Variants in VPS13B observed in about 807,000 individuals in gnomAD.
The protein encoded by VPS13B is intermembrane lipid transfer protein VPS13B.
A neutral mutation model predicts 426.4 loss-of-function variants in VPS13B; 285 were observed. The ratio of observed to expected loss-of-function variants is 0.67; its 90% CI spans 0.61 to 0.74. The LOEUF (loss-of-function observed/expected upper bound fraction) is 0.74, where lower values mean the gene tolerates loss of function less well. VPS13B is among the 30% of genes least tolerant of loss of function. The pLI, the probability that VPS13B is intolerant of heterozygous loss-of-function variation, is 0.00. For missense variants in VPS13B, 4,537 were observed against 4,782.6 expected, an observed-to-expected ratio of 0.95 and a Z score of 1.51; for synonymous variants, 1,676 against 1,676.4, an observed-to-expected ratio of 1.00 and a Z score of 0.01.
At chr8:99,523,308 G>A (rs75133320) in intron 30 of VPS13B, among the ~76,000 whole-genome samples, 1,798 of 152,328 alleles carry the variant, frequency 0.012, 15 homozygotes, top group Non-Finnish European at 0.019. Flanking sequence ...TGAAGGGAAG[G>A]ACACAAGCCT....
chr8:99,092,214 T>G (rs576216430), intron 3 of VPS13B: 1 of 152,304 alleles, frequency 6.6e-6, no homozygotes, highest in Admixed American at 6.5e-5. Context: ...TAGGAACTTT[T>G]GTAAGGAAAT....
chr8:99,654,235 A>G (rs1314782272), intron 34 of VPS13B, among the ~76,000 whole-genome samples: 1 of 150,910 alleles, frequency 6.6e-6, no homozygotes, highest in African/African-American at 2.4e-5. Flanking sequence ...TTTTTAGTAG[A>G]GACGGGGTTT....
intron 50 of VPS13B, among the ~76,000 whole-genome samples, chr8:99,822,719 A>T (rs1814446115): frequency 6.6e-6 from 1 of 152,204 alleles, no homozygotes; most frequent in Admixed American, 6.5e-5. Context: ...TTATACTCTT[A>T]AAAATTATTG....
intron 24 of VPS13B, among the ~76,000 whole-genome samples, chr8:99,475,647 T>G (rs1006445460): frequency 3.3e-5 from 5 of 152,320 alleles, no homozygotes; most frequent in Admixed American, 6.5e-5. Flanking sequence ...AAGCTCAGAT[T>G]TTGTTGTTGT....
intron 17 of VPS13B, among the ~76,000 whole-genome samples, chr8:99,237,538 A>C (rs1471296495): frequency 6.6e-6 from 1 of 152,194 alleles, no homozygotes; most frequent in Non-Finnish European, 1.5e-5. Flanking sequence ...TCAGTGAAAA[A>C]AAGAAATGAA....
chr8:99,764,519 T>G (rs554453592), intron 39 of VPS13B, among the ~76,000 whole-genome samples: 1 of 148,300 alleles, frequency 6.7e-6, no homozygotes, highest in African/African-American at 2.5e-5. Context: ...GTTTAAGCAA[T>G]TCTCCTGTCT....
chr8:99,391,415 A>C, intron 20 of VPS13B, 142 bp from the exon 21 acceptor site: 9 of 1,287,106 alleles, frequency 7.0e-6, no homozygotes, highest in African/African-American at 1.5e-5. Context: ...TGAGGGAGGG[A>C]GAGATTGATT....
chr8:99,374,309 T>C (rs1347388810), intron 19 of VPS13B, among the ~76,000 whole-genome samples: 2 of 151,974 alleles, frequency 1.3e-5, no homozygotes, highest in African/African-American at 4.8e-5. Context: ...ATATGTCAGT[T>C]TGGGAAATCG....
In VPS13B at chr8:99,013,913, TA is replaced by T; in HGVS notation, c.128del (p.Lys43SerfsTer9). The T allele has an allele frequency of 6.2e-7, 1 of 1,614,174 alleles. No individual in the cohort carries two copies. The highest frequency in any genetic ancestry group is 1.1e-5 in the South Asian group (1 of 91,088). ...GACGTGGTACTCAGCAAGCTCGAGT[TA>T]AAGTTGGATGTGCTGGAACAGGTAA... Reference protein sequence around the residue: ...GGDVVLSKLELKLDVLEQELK... With the variant: ...GGDVVLSKLEXKLDVLEQELK... On this transcript the variant is annotated frameshift_variant, in exon 2 of 62. Transcript: ENST00000357162. LOFTEE classifies it high-confidence loss of function.
intron 35 of VPS13B, among the ~76,000 whole-genome samples, chr8:99,669,022 C>T (rs1281706245): frequency 6.6e-6 from 1 of 152,158 alleles, no homozygotes; most frequent in African/African-American, 2.4e-5. Context: ...CCAGGCCTCA[C>T]ACTGGCATGC....
intron 60 of VPS13B, chr8:99,871,171 G>T: frequency 1.7e-6 from 1 of 604,456 alleles, no homozygotes; most frequent in Non-Finnish European, 2.9e-6. Flanking sequence ...GAGATTCCCT[G>T]TGGAACCAGC....
intron 31 of VPS13B, among the ~76,000 whole-genome samples, chr8:99,564,515 CTGT>C (rs1214382899): frequency 2.0e-5 from 3 of 152,178 alleles, no homozygotes; most frequent in Non-Finnish European, 4.4e-5. Flanking sequence ...GCTGGAGTTG[CTGT>C]TGTTCAGCAG....
At chr8:99,440,532 AATAG>A (rs1428221290) in intron 22 of VPS13B, among the ~76,000 whole-genome samples, 2 of 152,150 alleles carry the variant, frequency 1.3e-5, no homozygotes, top group Non-Finnish European at 2.9e-5. Context: ...TAGTATATAT[AATAG>A]ATAAAACATA....
chr8:99,766,743 C>T, intron 39 of VPS13B, 31 bp from the exon 40 acceptor site: 1 of 1,581,382 alleles, frequency 6.3e-7, no homozygotes, highest in Non-Finnish European at 8.6e-7. Context: ...TTTCTATTTG[C>T]AACTTCTAAA....
At chr8:99,167,580 CA>C (rs1376282635) in intron 15 of VPS13B, among the ~76,000 whole-genome samples, 1 of 151,936 alleles carries the variant, frequency 6.6e-6, no homozygotes, top group Non-Finnish European at 1.5e-5. Context: ...TAATTTTTGG[CA>C]AAATCTTACA....
chr8:99,869,154 A>T (rs1417922464), intron 59 of VPS13B, among the ~76,000 whole-genome samples: 1 of 152,148 alleles, frequency 6.6e-6, no homozygotes, highest in African/African-American at 2.4e-5. Flanking sequence ...CTTTCCATAA[A>T]CCTGTGGCTG....
chr8:99,108,409 G>C (rs796089712), intron 5 of VPS13B, among the ~76,000 whole-genome samples: 2 of 152,062 alleles, frequency 1.3e-5, no homozygotes, highest in South Asian at 2.1e-4. Context: ...ACCAATGTCA[G>C]GTCTTACATT....
At chr8:99,233,334 T>C (rs760904666) in intron 17 of VPS13B, 21 of 1,072,696 alleles carry the variant, frequency 2.0e-5, no homozygotes, top group Non-Finnish European at 2.9e-5. Context: ...TCACTTCTTC[T>C]TTGGGGTTAA....
At chr8:99,724,819 AT>A (rs1833272033) in intron 39 of VPS13B, among the ~76,000 whole-genome samples, 1 of 152,092 alleles carries the variant, frequency 6.6e-6, no homozygotes, top group African/African-American at 2.4e-5. Context: ...GAACAAATAG[AT>A]TGTATAATTC....
Sources: allele counts gnomAD v4.1 joint callset (sites outside exome capture counted in the v4.1 genomes callset), GRCh38; gene constraint gnomAD v4.1.1; transcripts MANE v1.5; gene names NCBI Gene and HGNC (gene_info 2026-07-23, HGNC 2026-07-21).